Variants in PTK2 observed in about 807,000 individuals in gnomAD.
PTK2 encodes focal adhesion kinase 1.
PTK2 carries 45 observed loss-of-function variants against 150.1 expected under a neutral mutation model. The observed-to-expected ratio is 0.30, with a 90% CI of 0.24 to 0.38. The LOEUF is 0.38. PTK2 is among the 10% of genes least tolerant of loss of function. The pLI is 1.00. For missense variants in PTK2, 919 were observed against 1,307.3 expected (o/e 0.70, Z 4.58); for synonymous variants, 432 against 449.2 (o/e 0.96, Z 0.48).
rs556547069 is a variant in PTK2, at chr8:140,686,821, C to T, written c.2500-127G>A. 4.5e-5 allele frequency: 37 copies of T among 825,042 alleles called. No individual in the cohort carries two copies. The highest frequency in any genetic ancestry group is 1.8e-4 in the South Asian group (11 of 61,394). The allele number at this position is 825,042 out of a possible 1,614,324, so 51.1% of individuals were successfully genotyped here. ...GAATAAGAAGAGTTGAAAGTTCCCC[C>T]GTTTCAAAAAAATTCCAGTGATGAT... On this transcript the variant is annotated intron_variant, in intron 26 of 31. Coordinates refer to ENST00000522684, the Ensembl canonical transcript of PTK2.
At position 140,898,299 on chromosome 8, in the gene PTK2, CCAGCACCAACATTCAT is replaced by C. The variant is rs572443313; in HGVS notation, c.-32-7546_-32-7531del. Among the ~76,000 whole-genome samples the C allele has an allele frequency of 4.4e-3, 675 of 152,264 alleles. 3 individuals carry two copies. Among genetic ancestry groups the C allele is most frequent in the Middle Eastern group, 0.014 (4 of 294 alleles). ...TCTTGTCCTAGGCTGTTAAACAGTT[CCAGCACCAACATTCAT>C]CTGCACCAACATTAGTCTGCTGACT... On this transcript the variant is annotated intron_variant, in intron 2 of 31. Transcript: ENST00000522684.
At chr8:140,686,512 T>C (rs2100019950) in intron 27 of PTK2, 120 bp downstream of exon 30, 1 of 837,262 alleles carries the variant, frequency 1.2e-6, no homozygotes, top group Admixed American at 2.6e-5. Flanking sequence ...ATGTTAACTT[T>C]ATAGAATATT....
chr8:140,826,297 T>G lies in PTK2; in HGVS notation c.648+4175A>C, dbSNP rs543998584. Among the ~76,000 whole-genome samples, 8 of 152,336 alleles carry G rather than the reference T, an allele frequency of 5.3e-5. 1 individual carries two copies. The South Asian group carries it at 1.7e-3, about 32-fold the overall frequency. ...TGTCTAGACACCACCTAATTTGTAT[T>G]ATAGTTGTTACCCCCATGAGCATAT... On this transcript the variant is annotated intron_variant, in intron 8 of 31. Coordinates refer to ENST00000522684, the Ensembl canonical transcript of PTK2.
chr8:140,999,721 A>G (rs1019212859), intron 1 of PTK2, among the ~76,000 whole-genome samples: 1 of 152,146 alleles, frequency 6.6e-6, no homozygotes, highest in Admixed American at 6.5e-5. Flanking sequence ...CGAAGACATC[A>G]TTTTCATTAC....
At chr8:140,724,278 A>T (rs778626140) in intron 22 of PTK2, among the ~76,000 whole-genome samples, 4 of 152,232 alleles carry the variant, frequency 2.6e-5, no homozygotes, top group Non-Finnish European at 4.4e-5. Context: ...TTAATAAAAA[A>T]TTAGTAAACT....
intron 1 of PTK2, among the ~76,000 whole-genome samples, chr8:140,976,775 A>AT (rs2100189394): frequency 6.6e-6 from 1 of 152,232 alleles, no homozygotes; most frequent in South Asian, 2.1e-4. Flanking sequence ...TCTTTTTTTC[A>AT]TAACTAAGGT....
At chr8:140,865,207 C>A (rs1328072215) in intron 4 of PTK2, among the ~76,000 whole-genome samples, 1 of 152,138 alleles carries the variant, frequency 6.6e-6, no homozygotes, top group Non-Finnish European at 1.5e-5. Flanking sequence ...TTTTGACTAT[C>A]CTCTTTTGTG....
rs556551633 is a variant in PTK2, at chr8:140,934,677, C to A, written c.-121-8928G>T. On this transcript the variant is annotated intron_variant, in intron 1 of 31. Transcript: ENST00000522684. ...CTAAACCACCCATGAGAAATAACAC[C>A]TCCCCAATGTTCCTGCTAAACGGCC... is the stretch of plus-strand genomic sequence containing the variant. 3 of 152,272 alleles carry A rather than the reference C, an allele frequency of 2.0e-5. No individual in the cohort carries two copies. In the South Asian group the frequency reaches 6.2e-4, roughly 32 times the overall value. The allele number at this position is 152,272 out of a possible 1,614,324, so 9.4% of individuals were successfully genotyped here. A position where few individuals can be genotyped will look rare whatever the true frequency, so the allele number is the denominator to read the frequency against.
intron 2 of PTK2, among the ~76,000 whole-genome samples, chr8:140,900,977 C>A (rs762168341): frequency 6.6e-6 from 1 of 152,046 alleles, no homozygotes; most frequent in African/African-American, 2.4e-5. Context: ...AAGAACAAAG[C>A]TGGAGACATT....
intron 8 of PTK2, chr8:140,821,001 C>G (rs1225549916): frequency 6.6e-6 from 1 of 151,956 alleles, no homozygotes; most frequent in African/African-American, 2.4e-5. Context: ...GCTTGAAGGT[C>G]CTAGTAGGAT....
chr8:140,751,235 C>T (rs921488472), intron 17 of PTK2, among the ~76,000 whole-genome samples: 27 of 152,224 alleles, frequency 1.8e-4, no homozygotes, highest in Non-Finnish European at 2.9e-4. Flanking sequence ...ATGGCACGAT[C>T]TTAGCTCACT....
intron 3 of PTK2, among the ~76,000 whole-genome samples, chr8:140,886,514 A>T (rs1383472166): frequency 6.6e-6 from 1 of 152,168 alleles, no homozygotes; most frequent in African/African-American, 2.4e-5. Flanking sequence ...GACTACGGGG[A>T]CATTAAGAGA....
chr8:140,748,957 A>G (rs888914831), intron 17 of PTK2, among the ~76,000 whole-genome samples: 1 of 152,262 alleles, frequency 6.6e-6, no homozygotes, highest in African/African-American at 2.4e-5. Flanking sequence ...AATTAGAATA[A>G]CAGAAGTAAT....
intron 1 of PTK2, among the ~76,000 whole-genome samples, chr8:140,927,973 A>ATATATATATAT (rs1257108435): frequency 1.8e-3 from 128 of 72,880 alleles, no homozygotes; most frequent in East Asian, 6.8e-3. Flanking sequence ...AAAAAAAAAA[A>ATATATATATAT]AAATATATAT....
At chr8:140,676,665 C>T (rs1448320791) in intron 27 of PTK2, among the ~76,000 whole-genome samples, 1 of 147,690 alleles carries the variant, frequency 6.8e-6, no homozygotes. Flanking sequence ...CAGTGGCTCA[C>T]GCCTGTAATC....
rs943253184 is a variant in PTK2 at position 140,762,290 on chromosome 8, C to A, written c.1235-1028G>T. 7.0e-6 allele frequency: 6 copies of A among 862,244 alleles called. No individual in the cohort carries two copies. In the East Asian group the frequency reaches 4.6e-4, roughly 66 times the overall value. The allele number at this position is 862,244 out of a possible 1,614,324, so 53.4% of individuals were successfully genotyped here. A position where few individuals can be genotyped will look rare whatever the true frequency, so the allele number is the denominator to read the frequency against. On this transcript the variant is annotated intron_variant, in intron 15 of 31. Transcript: ENST00000522684. ...ACAAATAGTTTAAAAATAAGTTAAC[C>A]AAAAACTGAAACATCCCATATCACT...
chr8:140,875,380 C>T (rs1018795642), intron 4 of PTK2, among the ~76,000 whole-genome samples: 1 of 152,094 alleles, frequency 6.6e-6, no homozygotes, highest in African/African-American at 2.4e-5. Context: ...ACATCAGATC[C>T]CAACTTGAGT....
At chr8:140,946,297 T>G (rs979740862) in intron 1 of PTK2, among the ~76,000 whole-genome samples, 1 of 152,120 alleles carries the variant, frequency 6.6e-6, no homozygotes, top group Admixed American at 6.6e-5. Flanking sequence ...ACTACTTCAA[T>G]TGGCTCAATA....
At chr8:140,920,813 C>T in intron 2 of PTK2, 1 of 1,507,874 alleles carries the variant, frequency 6.6e-7, no homozygotes, top group Non-Finnish European at 8.8e-7. Context: ...GTTATTTATA[C>T]CTTTAGCCCA....
Sources: gnomAD v4.1 joint callset for allele counts (sites outside exome capture counted in the v4.1 genomes callset) on GRCh38, gnomAD v4.1.1 for gene constraint, MANE v1.5 for transcripts, NCBI Gene and HGNC (gene_info 2026-07-23, HGNC 2026-07-21) for gene names.